PTTG1IP2: variants seen among roughly 807,000 people sequenced by gnomAD.
PTTG1IP2 encodes PTTG1IP family member 2.
intron 6 of PTTG1IP2, among the ~76,000 whole-genome samples, chr7:90,506,095 A>C (rs1412656493): frequency 6.6e-6 from 1 of 151,474 alleles, no homozygotes; most frequent in Non-Finnish European, 1.5e-5. Context: ...CTTACAATGC[A>C]CTGCAAGTAT....
intron 2 of PTTG1IP2, among the ~76,000 whole-genome samples, chr7:90,480,808 G>GT (rs147875541): frequency 0.017 from 2,596 of 151,846 alleles, 58 homozygotes; most frequent in African/African-American, 0.057. Flanking sequence ...TTTTTATTTT[G>GT]TTTTTTGCAA....
chr7:90,490,702 T>C (rs529599955), intron 4 of PTTG1IP2, among the ~76,000 whole-genome samples: 1 of 152,282 alleles, frequency 6.6e-6, no homozygotes, highest in East Asian at 1.9e-4. Flanking sequence ...TTTAAATATA[T>C]ATTTTCTTCT....
chr7:90,494,708 T>G (rs1206367762), intron 6 of PTTG1IP2, among the ~76,000 whole-genome samples: 2 of 152,076 alleles, frequency 1.3e-5, no homozygotes, highest in Admixed American at 1.3e-4. Context: ...ATAGCGAGAT[T>G]CCATGTCTAC....
intron 6 of PTTG1IP2, among the ~76,000 whole-genome samples, chr7:90,506,640 ACCTATAGT>A (rs1798127585): frequency 6.6e-6 from 1 of 152,054 alleles, no homozygotes. Context: ...GGTAGCATGC[ACCTATAGT>A]CCTAGCTACT....
At chr7:90,499,513 G>A (rs1431330248) in intron 6 of PTTG1IP2, among the ~76,000 whole-genome samples, 3 of 152,082 alleles carry the variant, frequency 2.0e-5, no homozygotes, top group Non-Finnish European at 4.4e-5. Flanking sequence ...ATCATATAAA[G>A]ACTTTTAAAT....
In PTTG1IP2 at chr7:90,473,611, T is replaced by C. The variant is rs77456778; in HGVS notation, c.145+3680T>C. On this transcript the variant is annotated intron_variant, in intron 1 of 6. Coordinates refer to ENST00000509356, the MANE Select transcript of PTTG1IP2 (RefSeq NM_001365443.2). ...AGAAATGGGGGATTTGACATTATAC[T>C]GAATTGTGATGTAAAACTGAATTCT... is the stretch of plus-strand genomic sequence containing the variant. 1.1e-4 allele frequency among the ~76,000 whole-genome samples: 17 copies of C among 152,374 alleles called. No individual in the cohort carries two copies. The East Asian group carries it at 3.3e-3, about 29-fold the overall frequency.
At chr7:90,506,451 A>AT (rs969455256) in intron 6 of PTTG1IP2, among the ~76,000 whole-genome samples, 2 of 151,728 alleles carry the variant, frequency 1.3e-5, no homozygotes, top group Non-Finnish European at 2.9e-5. Context: ...TTCTTCCCCC[A>AT]TTTTTTCCCT....
intron 2 of PTTG1IP2, among the ~76,000 whole-genome samples, chr7:90,482,757 C>CTTTTTTTG (rs201336120): frequency 0.17 from 26,308 of 152,064 alleles, 2,424 homozygotes; most frequent in East Asian, 0.23. Flanking sequence ...TAATGAGCAT[C>CTTTTTTTG]ATAAGACTGT....
intron 6 of PTTG1IP2, among the ~76,000 whole-genome samples, chr7:90,512,671 G>C (rs1455714238): frequency 1.3e-5 from 2 of 152,212 alleles, no homozygotes; most frequent in African/African-American, 2.4e-5. Context: ...GTAGACATTT[G>C]AGATGGAAGA....
chr7:90,500,753 A>G (rs769350667), intron 6 of PTTG1IP2, among the ~76,000 whole-genome samples: 6 of 152,310 alleles, frequency 3.9e-5, no homozygotes, highest in South Asian at 4.1e-4. Flanking sequence ...CCAAAAGGAG[A>G]TTTAACCTTA....
chr7:90,493,180 T>C (rs1797958321), intron 5 of PTTG1IP2, among the ~76,000 whole-genome samples: 1 of 152,150 alleles, frequency 6.6e-6, no homozygotes. Flanking sequence ...TTTAGTGCTT[T>C]GGGCTGCAGG....
intron 2 of PTTG1IP2, among the ~76,000 whole-genome samples, chr7:90,486,691 G>A (rs1002870840): frequency 1.3e-5 from 2 of 152,102 alleles, no homozygotes; most frequent in South Asian, 4.1e-4. Flanking sequence ...AAAGAGTCGG[G>A]GATGCAGGCA....
rs188308736 is a variant in PTTG1IP2, at chr7:90,499,829, T to A, written c.*50+5399T>A. ...AACTCCTCACCTCAAGTGATCCGCA[T>A]GCCTCAGCCTCCCAAAATGCTGGGA... On this transcript the variant is annotated intron_variant, in intron 6 of 6. Transcript: ENST00000509356. Among the ~76,000 whole-genome samples, 1,396 of 152,132 alleles carry A rather than the reference T, an allele frequency of 9.2e-3. 20 individuals carry two copies. The highest frequency in any genetic ancestry group is 0.032 in the African/African-American group (1,332 of 41,518).
At chr7:90,495,736 A>G (rs1323620283) in intron 6 of PTTG1IP2, among the ~76,000 whole-genome samples, 1 of 152,208 alleles carries the variant, frequency 6.6e-6, no homozygotes, top group Non-Finnish European at 1.5e-5. Flanking sequence ...GTGACCATGT[A>G]TCTTCCAAAC....
At chr7:90,484,983 G>T (rs1209512392) in intron 2 of PTTG1IP2, among the ~76,000 whole-genome samples, 1 of 152,164 alleles carries the variant, frequency 6.6e-6, no homozygotes, top group Non-Finnish European at 1.5e-5. Context: ...AGAAGATTCT[G>T]ATTGGCCCTA....
intron 2 of PTTG1IP2, among the ~76,000 whole-genome samples, chr7:90,486,223 G>T (rs4727231): frequency 0.18 from 26,826 of 152,086 alleles, 2,511 homozygotes; most frequent in East Asian, 0.23. Context: ...TACCAGCACA[G>T]AGCCATGCTA....
At chr7:90,508,652 T>C (rs1798152758) in intron 6 of PTTG1IP2, among the ~76,000 whole-genome samples, 1 of 152,264 alleles carries the variant, frequency 6.6e-6, no homozygotes, top group Non-Finnish European at 1.5e-5. Context: ...TTCTGGGCAC[T>C]GTTCTAAGGA....
chr7:90,472,910 A>T (rs1037393431), intron 1 of PTTG1IP2, among the ~76,000 whole-genome samples: 6 of 152,196 alleles, frequency 3.9e-5, no homozygotes, highest in Admixed American at 3.3e-4. Context: ...TTAAATGCTG[A>T]TGGGGAACCA....
At chr7:90,493,932 A>G (rs565816784) in intron 5 of PTTG1IP2, among the ~76,000 whole-genome samples, 2 of 152,318 alleles carry the variant, frequency 1.3e-5, no homozygotes, top group East Asian at 3.9e-4. Flanking sequence ...TGGAATAGGA[A>G]AATATGGAGC....
Sources: gnomAD v4.1 joint callset for allele counts (sites outside exome capture counted in the v4.1 genomes callset) on GRCh38, gnomAD v4.1.1 for gene constraint, MANE v1.5 for transcripts, NCBI Gene and HGNC (gene_info 2026-07-23, HGNC 2026-07-21) for gene names.